The following SCGB2B2 variants were observed in gnomAD, a reference collection of about 807,000 sequenced individuals.
The protein encoded by SCGB2B2 is secretoglobin family 2B member 2.
A neutral mutation model predicts 7.6 loss-of-function variants in SCGB2B2; 11 were observed. The ratio of observed to expected loss-of-function variants is 1.45; its 90% CI spans 0.91 to 2.40. SCGB2B2 has a LOEUF of 2.40. Ranked by LOEUF, SCGB2B2 falls within the 30% of genes most tolerant of loss-of-function variation. SCGB2B2 has a pLI of 0.00. For missense variants in SCGB2B2, 104 were observed against 115.4 expected, an observed-to-expected ratio of 0.90 and a Z score of 0.45; for synonymous variants, 50 against 48.6, an observed-to-expected ratio of 1.03 and a Z score of -0.12.
At chr19:34,610,493 G>A (rs958063346) in intron 1 of SCGB2B2, among the ~76,000 whole-genome samples, 5 of 152,112 alleles carry the variant, frequency 3.3e-5, no homozygotes, top group South Asian at 2.1e-4. Flanking sequence ...TTCTATACCC[G>A]GTTTGTTAAG....
chr19:34,590,693 A>G lies in SCGB2B2; in HGVS notation c.*2862T>C, dbSNP rs1421184060. On this transcript the variant is annotated 3_prime_UTR_variant, in exon 4 of 4. Coordinates refer to ENST00000601241, the MANE Select transcript of SCGB2B2 (RefSeq NM_001025591.4). Reference sequence around the variant, plus strand: ...ATATAATTCCTTATACCAACAATACAGAGATCATCACATATCATTAAGAAT... The same window carrying G: ...ATATAATTCCTTATACCAACAATACGGAGATCATCACATATCATTAAGAAT... Among the ~76,000 whole-genome samples, 1 of 152,234 alleles carries G rather than the reference A, an allele frequency of 6.6e-6. No homozygotes were observed. Among genetic ancestry groups the G allele is most frequent in the Non-Finnish European group, 1.5e-5 (1 of 68,044 alleles).
intron 1 of SCGB2B2, chr19:34,638,307 G>C (rs2066743820): frequency 1.3e-5 from 2 of 152,200 alleles, no homozygotes; most frequent in African/African-American, 4.8e-5. Context: ...AAATTAGCCT[G>C]TGGTGCATGC....
chr19:34,591,334 A>G lies in SCGB2B2; in HGVS notation c.*2221T>C, dbSNP rs761684343. Among the ~76,000 whole-genome samples the G allele has an allele frequency of 2.6e-5, 4 of 152,114 alleles. No homozygotes were observed. The highest frequency in any genetic ancestry group is 5.9e-5 in the Non-Finnish European group (4 of 68,018). ...GATCATTTTGATTCCCCTTCTCTCCACATCCTCTCCCCATATTCAATTCAA... is the reference window on the plus strand; with the variant it reads ...GATCATTTTGATTCCCCTTCTCTCCGCATCCTCTCCCCATATTCAATTCAA... On this transcript the variant is annotated 3_prime_UTR_variant, in exon 4 of 4. Transcript: ENST00000601241.
chr19:34,628,591 C>A (rs1286478760), intron 1 of SCGB2B2, among the ~76,000 whole-genome samples: 1 of 151,842 alleles, frequency 6.6e-6, no homozygotes, highest in African/African-American at 2.4e-5. Flanking sequence ...CCTGAATAGA[C>A]CAATAACAGG....
chr19:34,636,000 T>C (rs1196586084), intron 1 of SCGB2B2, among the ~76,000 whole-genome samples: 1 of 152,202 alleles, frequency 6.6e-6, no homozygotes, highest in Non-Finnish European at 1.5e-5. Flanking sequence ...AAGAGCAAAA[T>C]GTCTTTCATG....
At chr19:34,602,641 T>A (rs2065660002) in intron 1 of SCGB2B2, among the ~76,000 whole-genome samples, 1 of 152,178 alleles carries the variant, frequency 6.6e-6, no homozygotes, top group African/African-American at 2.4e-5. Context: ...CTGACTTCCC[T>A]TAGGGCTACA....
intron 1 of SCGB2B2, among the ~76,000 whole-genome samples, chr19:34,667,852 T>G (rs1245360059): frequency 6.6e-6 from 1 of 152,052 alleles, no homozygotes; most frequent in Non-Finnish European, 1.5e-5. Flanking sequence ...GGGCCCTGGG[T>G]GGAGCTTCCC....
chr19:34,649,460 T>G (rs573467691), intron 1 of SCGB2B2, among the ~76,000 whole-genome samples: 1 of 152,322 alleles, frequency 6.6e-6, no homozygotes, highest in East Asian at 1.9e-4. Context: ...TTATTCCTCT[T>G]GCTGGTCACC....
At chr19:34,631,319 C>CG (rs1476831335) in intron 1 of SCGB2B2, among the ~76,000 whole-genome samples, 1 of 108,936 alleles carries the variant, frequency 9.2e-6, no homozygotes, top group Non-Finnish European at 1.8e-5. Context: ...TTTTTTTTTA[C>CG]AATTTTTTTT....
intron 1 of SCGB2B2, among the ~76,000 whole-genome samples, chr19:34,622,322 T>C (rs1441233265): frequency 6.6e-6 from 1 of 152,248 alleles, no homozygotes; most frequent in Non-Finnish European, 1.5e-5. Context: ...TTGTTTTAAC[T>C]GGTTAAAGCC....
At chr19:34,612,018 A>ATTTTTT (rs1568431496) in intron 1 of SCGB2B2, among the ~76,000 whole-genome samples, 2 of 78,676 alleles carry the variant, frequency 2.5e-5, no homozygotes, top group East Asian at 7.0e-4. Flanking sequence ...TGTTTTAGAA[A>ATTTTTT]ATTCTTTTTT....
In SCGB2B2 at chr19:34,676,236, C is replaced by T. The variant is rs2067941808; in HGVS notation, c.-2638G>A. On this transcript the variant is annotated 5_prime_UTR_variant, in exon 1 of 4. Transcript: ENST00000601241. The stretch of plus-strand genomic sequence containing the variant: ...GATTGGTGTATTTACAATCCTTCAG[C>T]TATACAGAAAAGTTCTCCAAGGCCC... 1 of 152,220 alleles carries T rather than the reference C, an allele frequency of 6.6e-6. No homozygotes were observed. Among genetic ancestry groups the T allele is most frequent in the Non-Finnish European group, 1.5e-5 (1 of 68,058 alleles). The allele number at this position is 152,220 out of a possible 1,614,324, so 9.4% of individuals were successfully genotyped here.
At chr19:34,669,572 CGGTGCTCCAGGGA>C (rs1340585302) in intron 1 of SCGB2B2, among the ~76,000 whole-genome samples, 4 of 152,188 alleles carry the variant, frequency 2.6e-5, no homozygotes, top group Non-Finnish European at 5.9e-5. Context: ...CCCAATCCCA[CGGTGCTCCAGGGA>C]GGACACAGGA....
At chr19:34,615,752 GGTTACATA>G (rs1428066559) in intron 1 of SCGB2B2, among the ~76,000 whole-genome samples, 1 of 151,924 alleles carries the variant, frequency 6.6e-6, no homozygotes, top group Admixed American at 6.6e-5. Flanking sequence ...AAAATAGATT[GGTTACATA>G]TGTATACATG....
chr19:34,616,750 A>AGTCCTT (rs1198773629), intron 1 of SCGB2B2, among the ~76,000 whole-genome samples: 1 of 150,584 alleles, frequency 6.6e-6, no homozygotes, highest in Non-Finnish European at 1.5e-5. Flanking sequence ...TTAGACATGA[A>AGTCCTT]GTCCTTGCCC....
rs115155150 is a variant in SCGB2B2, at chr19:34,636,075, C to T, written c.-2031-39481G>A. Among the ~76,000 whole-genome samples, 1,081 of 152,330 alleles carry T rather than the reference C, an allele frequency of 7.1e-3. 16 individuals are homozygous for T. The highest frequency in any genetic ancestry group is 0.025 in the African/African-American group (1,026 of 41,556). ...GCTGGACCTGCCTTAGGAGCCCTGA[C>T]CTGTGACACTCCTTGAGAAGATGGC... On this transcript the variant is annotated intron_variant, in intron 1 of 3. Coordinates refer to ENST00000601241, the MANE Select transcript of SCGB2B2 (RefSeq NM_001025591.4).
At chr19:34,620,326 C>T (rs1022761108) in intron 1 of SCGB2B2, among the ~76,000 whole-genome samples, 3 of 152,092 alleles carry the variant, frequency 2.0e-5, no homozygotes, top group African/African-American at 7.2e-5. Flanking sequence ...GGCACATATA[C>T]ACCATGGAAT....
At chr19:34,613,157 G>A (rs554700413) in intron 1 of SCGB2B2, among the ~76,000 whole-genome samples, 34 of 151,466 alleles carry the variant, frequency 2.2e-4, no homozygotes, top group Non-Finnish European at 1.0e-4. Flanking sequence ...GGAGTGCAGC[G>A]GTGCATTCTT....
At chr19:34,659,044 G>T (rs2067372266) in intron 1 of SCGB2B2, among the ~76,000 whole-genome samples, 2 of 152,200 alleles carry the variant, frequency 1.3e-5, no homozygotes, top group Middle Eastern at 3.4e-3. Flanking sequence ...AAAACCACAT[G>T]ATTATCTCAA....
Sources: allele counts gnomAD v4.1 joint callset (sites outside exome capture counted in the v4.1 genomes callset), GRCh38; gene constraint gnomAD v4.1.1; transcripts MANE v1.5; gene names NCBI Gene and HGNC (gene_info 2026-07-23, HGNC 2026-07-21).